Variants in CKAP2L observed in about 807,000 individuals in gnomAD.
CKAP2L encodes the protein cytoskeleton associated protein 2L.
Under a neutral mutation model 65.7 loss-of-function variants are expected in CKAP2L, and 42 were observed. The ratio of observed to expected loss-of-function variants is 0.64; its 90% CI spans 0.50 to 0.83. The LOEUF (loss-of-function observed/expected upper bound fraction) is 0.83, where lower values mean the gene tolerates loss of function less well. Among genes scored for constraint, CKAP2L ranks in the 40% least tolerant of loss-of-function variants. The pLI is 0.00. For synonymous variants in CKAP2L, 325 were observed against 313.5 expected (o/e 1.04, Z -0.39); for missense variants, 908 against 871.0 (o/e 1.04, Z -0.53).
chr2:112,750,213 T>C (rs116190031), intron 5 of CKAP2L, among the ~76,000 whole-genome samples: 2,464 of 152,268 alleles, frequency 0.016, 66 homozygotes, highest in African/African-American at 0.055. Flanking sequence ...CTTCCTACAG[T>C]TATCACATTA....
At position 112,738,973 on chromosome 2, in the gene CKAP2L, T is replaced by C. The variant is rs778636716; in HGVS notation, c.2088A>G (p.Ala696=). The C allele has an allele frequency of 5.0e-6, 8 of 1,614,228 alleles. No homozygotes were observed. The Admixed American group carries it at 8.3e-5, about 17-fold the overall frequency. Reference sequence around the variant, plus strand: ...GCAGCATTTCTGGGTAGCGGGACACTGCTCGCTCAATCCTCGACGAACGCC... The same window carrying C: ...GCAGCATTTCTGGGTAGCGGGACACCGCTCGCTCAATCCTCGACGAACGCC... ...PVRRSSRIER[A]VSRYPEMLQE... The change falls in exon 9 of 9, where the codon GCA becomes GCG. Residue 696 remains alanine, a synonymous_variant. Coordinates refer to ENST00000302450, the MANE Select transcript of CKAP2L (RefSeq NM_152515.5).
At chr2:112,744,051 T>C (rs1249379399) in intron 6 of CKAP2L, among the ~76,000 whole-genome samples, 1 of 152,218 alleles carries the variant, frequency 6.6e-6, no homozygotes, top group African/African-American at 2.4e-5. Context: ...AATAGAATTA[T>C]GATTTCAGCT....
At chr2:112,763,168 C>G (rs76638514) in intron 1 of CKAP2L, among the ~76,000 whole-genome samples, 345 of 152,204 alleles carry the variant, frequency 2.3e-3, no homozygotes, top group African/African-American at 8.0e-3. Flanking sequence ...AAATGTCATG[C>G]CCAAAGTTAC....
At position 112,752,412 on chromosome 2, in the gene CKAP2L, A is replaced by G. The variant is rs754370245; in HGVS notation, c.1457T>C (p.Leu486Pro). ...CTTTATTACTTTTCTTTTTGTTTTA[A>G]GTTCCATAGGAGGCCGTTTATAGGT... ...GKTYKRPPME[L>P]KTKRKVIKEM... Residue 486 changes from leucine to proline, a missense_variant, in exon 5 of 9, where the codon CTT becomes CCT. Coordinates refer to ENST00000302450, the MANE Select transcript of CKAP2L (RefSeq NM_152515.5). 1 of 1,612,922 alleles carries G rather than the reference A, an allele frequency of 6.2e-7. No individual in the cohort carries two copies. Among genetic ancestry groups the G allele is most frequent in the Admixed American group, 1.7e-5 (1 of 59,988 alleles).
In CKAP2L at chr2:112,752,468, T is replaced by C. The variant is rs140813167; in HGVS notation, c.1401A>G (p.Gln467=). The C allele has an allele frequency of 9.1e-4, 1,447 of 1,596,546 alleles. 2 individuals are homozygous for C. The highest frequency in any genetic ancestry group is 1.1e-3 in the Non-Finnish European group (1,314 of 1,171,376). ...KKATAEDRRK[Q]LEEWQKSKGK... ...CCTTAGATTTCTGCCATTCTTCTAG[T>C]TGTTTCCTGAAATTCAATTAAAGGG... The change falls in exon 5 of 9, where the codon CAA becomes CAG. Residue 467 remains glutamine (Q), a synonymous_variant. Transcript: ENST00000302450.
Position 112,761,460 on chromosome 2 carries a change from C to CAA in CKAP2L, c.105-698_105-697dup, listed in dbSNP as rs1182818451. Among the ~76,000 whole-genome samples the CAA allele has an allele frequency of 1.8e-3, 47 of 26,346 alleles. 1 individual carries two copies. Among genetic ancestry groups the CAA allele is most frequent in the African/African-American group, 3.9e-3 (30 of 7,672 alleles). The allele number at this position is 26,346 out of a possible 152,430, so 17.3% of individuals were successfully genotyped here. On this transcript the variant is annotated intron_variant, in intron 2 of 8. Coordinates refer to ENST00000302450, the MANE Select transcript of CKAP2L (RefSeq NM_152515.5). ...TGGGCAACAGAGTGAGACTCCGTCT[C>CAA]AAAAAAAAAAAAAAAAAAAAAAAAA...
intron 5 of CKAP2L, among the ~76,000 whole-genome samples, chr2:112,751,587 AT>A (rs1378729912): frequency 2.0e-5 from 3 of 152,240 alleles, no homozygotes; most frequent in African/African-American, 4.8e-5. Flanking sequence ...AATAGTTAAT[AT>A]TTAACTGGAT....
chr2:112,762,710 G>A (rs1481786818), intron 1 of CKAP2L, 141 bp from the exon 2 acceptor site: 12 of 642,556 alleles, frequency 1.9e-5, no homozygotes, highest in African/African-American at 5.5e-5. Flanking sequence ...TCCTATAAAT[G>A]TGCCTTCAAG....
intron 5 of CKAP2L, among the ~76,000 whole-genome samples, chr2:112,747,755 T>C (rs1339717874): frequency 6.6e-6 from 1 of 152,134 alleles, no homozygotes; most frequent in African/African-American, 2.4e-5. Context: ...ATCACTAACA[T>C]TTGAGAAAAC....
intron 4 of CKAP2L, among the ~76,000 whole-genome samples, chr2:112,755,587 G>A (rs1477306869): frequency 1.3e-5 from 2 of 152,126 alleles, no homozygotes; most frequent in Non-Finnish European, 2.9e-5. Flanking sequence ...TGGTTTGCTT[G>A]ACAAGAGATT....
chr2:112,738,797 CCT>C lies in CKAP2L; in HGVS notation c.*24_*25del. On this transcript the variant is annotated 3_prime_UTR_variant, in exon 9 of 9. Transcript: ENST00000302450. The stretch of plus-strand genomic sequence containing the variant: ...CTTGTCTTATGTTGGTTCTGAAACA[CCT>C]TTTTTAAAAAAAGCATCAAGAAATT... The C allele has an allele frequency of 6.8e-7, 1 of 1,475,050 alleles. No individual in the cohort carries two copies. Among genetic ancestry groups the C allele is most frequent in the South Asian group, 1.1e-5 (1 of 87,804 alleles). 91.4% of individuals were successfully genotyped at this position (1,475,050 alleles called of 1,614,324 possible).
At chr2:112,753,862 C>T (rs1407240643) in intron 4 of CKAP2L, among the ~76,000 whole-genome samples, 1 of 152,096 alleles carries the variant, frequency 6.6e-6, no homozygotes, top group African/African-American at 2.4e-5. Flanking sequence ...TCATTCCTGC[C>T]TTAAGGTCTT....
Position 112,751,817 on chromosome 2 carries a change from T to C in CKAP2L, c.1602+450A>G, listed in dbSNP as rs149484602. On this transcript the variant is annotated intron_variant, in intron 5 of 8. Coordinates refer to ENST00000302450, the MANE Select transcript of CKAP2L (RefSeq NM_152515.5). The stretch of plus-strand genomic sequence containing the variant: ...ATCTATTTTATCCTTATCTGCAGAA[T>C]CCAAGATAAAATTTAAATACTATTT... Among the ~76,000 whole-genome samples, 10 of 152,300 alleles carry C rather than the reference T, an allele frequency of 6.6e-5. 1 individual carries two copies. The highest frequency in any genetic ancestry group is 1.9e-4 in the African/African-American group (8 of 41,556).
At chr2:112,741,213 A>T (rs959408979) in intron 7 of CKAP2L, among the ~76,000 whole-genome samples, 2 of 152,018 alleles carry the variant, frequency 1.3e-5, no homozygotes, top group African/African-American at 4.8e-5. Flanking sequence ...ACATCAGGCT[A>T]CCCTCGTAGC....
intron 6 of CKAP2L, among the ~76,000 whole-genome samples, chr2:112,744,747 G>T (rs1680148283): frequency 6.6e-6 from 1 of 152,090 alleles, no homozygotes; most frequent in Non-Finnish European, 1.5e-5. Flanking sequence ...AAGACCTAAA[G>T]ATACTGATAT....
intron 7 of CKAP2L, among the ~76,000 whole-genome samples, chr2:112,741,758 T>G (rs1679982102): frequency 6.6e-6 from 1 of 152,152 alleles, no homozygotes; most frequent in Non-Finnish European, 1.5e-5. Flanking sequence ...GTTCCCCAGT[T>G]AAATCTACTC....
At chr2:112,763,101 G>T (rs6712572) in intron 1 of CKAP2L, among the ~76,000 whole-genome samples, 90,637 of 152,058 alleles carry the variant, frequency 0.6, 29,413 homozygotes, top group African/African-American at 0.88. Flanking sequence ...TTACATTATT[G>T]CTTTCAATCC....
In CKAP2L at chr2:112,756,488, G is replaced by C. The variant is rs199885814; in HGVS notation, c.883C>G (p.Pro295Ala). 6.2e-7 allele frequency: 1 copy of C among 1,609,318 alleles called. No homozygotes were observed. Among genetic ancestry groups the C allele is most frequent in the Non-Finnish European group, 8.5e-7 (1 of 1,178,502 alleles). ...TLSKVQSSKK[P>A]VVKNIKDIKV... is the part of the protein sequence containing the mutation. ...ATATCTTTGATGTTCTTGACTACTG[G>C]TTTCTTTGATGACTGAACTTTACTA... The change falls in exon 4 of 9, where the codon CCA (proline) becomes GCA (alanine). Residue 295 changes from proline (P) to alanine (A), a missense_variant. Physicochemically the swap from Pro to Ala is conservative, Grantham distance 27. Coordinates refer to ENST00000302450, the MANE Select transcript of CKAP2L (RefSeq NM_152515.5).
intron 7 of CKAP2L, among the ~76,000 whole-genome samples, chr2:112,741,517 A>G (rs1447101074): frequency 6.6e-6 from 1 of 152,226 alleles, no homozygotes; most frequent in East Asian, 1.9e-4. Flanking sequence ...AATGAAAGGA[A>G]GGAAATCAGA....
Sources: allele counts gnomAD v4.1 joint callset (sites outside exome capture counted in the v4.1 genomes callset), GRCh38; gene constraint gnomAD v4.1.1; transcripts MANE v1.5; gene names NCBI Gene and HGNC (gene_info 2026-07-23, HGNC 2026-07-21).